Variants in EVL observed in about 807,000 individuals in gnomAD.
The protein encoded by EVL is Enah/Vasp-like, also known as ena/VASP-like protein.
A neutral mutation model predicts 59.6 loss-of-function variants in EVL; 21 were observed. That is an observed-to-expected ratio of 0.35 (90% CI 0.25 to 0.51). The LOEUF (loss-of-function observed/expected upper bound fraction) is 0.51. Among genes scored for constraint, EVL ranks in the 20% least tolerant of loss-of-function variants. The pLI, the probability that EVL is intolerant of heterozygous loss-of-function variation, is 0.97. For synonymous variants in EVL, 198 were observed against 203.5 expected (o/e 0.97, Z 0.23); for missense variants, 462 against 546.6 (o/e 0.85, Z 1.54).
chr14:100,004,973 A>G (rs1006581231), intron 1 of EVL, among the ~76,000 whole-genome samples: 3 of 152,214 alleles, frequency 2.0e-5, no homozygotes, highest in Non-Finnish European at 2.9e-5. Flanking sequence ...AAGTTTGTCT[A>G]CAAGTATTTA....
rs936927284 is a variant in EVL at position 100,130,668 on chromosome 14, T to C, written c.839+984T>C. 6.6e-6 allele frequency among the ~76,000 whole-genome samples: 1 copy of C among 152,178 alleles called. No individual in the cohort carries two copies. Among genetic ancestry groups the C allele is most frequent in the Non-Finnish European group, 1.5e-5 (1 of 68,026 alleles). ...GTGGCTCCATGAGGATGATGCGAGA[T>C]GACAGAGGCCCACAGCTGCAGGCAG... On this transcript the variant is annotated intron_variant, in intron 7 of 13. Transcript: ENST00000392920. The surrounding 1 kb of genome is among the most constrained non-coding windows in gnomAD (Gnocchi z 4.8).
rs116270294 is a variant in EVL at position 99,993,422 on chromosome 14, G to A, written c.5+21365G>A. Among the ~76,000 whole-genome samples, 678 of 152,028 alleles carry A rather than the reference G, an allele frequency of 4.5e-3. 4 individuals are homozygous for A. The highest frequency in any genetic ancestry group is 0.015 in the African/African-American group (639 of 41,472). On this transcript the variant is annotated intron_variant, in intron 1 of 13. Transcript: ENST00000402714. ...GTATTTTGTTAAGGACTCCTTCATC[G>A]GTATTCATCAGATATTGGTTTGTAG... is the stretch of plus-strand genomic sequence containing the variant.
chr14:100,022,128 A>G (rs933093124), intron 1 of EVL, among the ~76,000 whole-genome samples: 4 of 152,118 alleles, frequency 2.6e-5, no homozygotes, highest in Non-Finnish European at 4.4e-5. Flanking sequence ...GAATTACAGC[A>G]GTTCTTCCTA....
At chr14:100,016,587 A>T (rs1264733126) in intron 1 of EVL, among the ~76,000 whole-genome samples, 2 of 152,248 alleles carry the variant, frequency 1.3e-5, no homozygotes, top group African/African-American at 4.8e-5. Context: ...TAAAACAAAC[A>T]AACAAACAAA....
At chr14:100,083,860 G>A (rs2062371194) in intron 1 of EVL, among the ~76,000 whole-genome samples, 1 of 152,124 alleles carries the variant, frequency 6.6e-6, no homozygotes, top group African/African-American at 2.4e-5. Context: ...TATGTCATAT[G>A]CTCTAGAGTC....
At chr14:99,998,450 G>T (rs777195890) in intron 1 of EVL, among the ~76,000 whole-genome samples, 3 of 152,230 alleles carry the variant, frequency 2.0e-5, no homozygotes, top group Non-Finnish European at 4.4e-5. Flanking sequence ...CAGAATAGAG[G>T]AGTATTTATT....
Position 99,972,125 on chromosome 14 carries a change from C to A in EVL, c.5+68C>A, listed in dbSNP as rs1388593514. 5 of 305,172 alleles carry A rather than the reference C, an allele frequency of 1.6e-5. No individual in the cohort carries two copies. Among genetic ancestry groups the A allele is most frequent in the Non-Finnish European group, 3.0e-5 (5 of 165,986 alleles). The allele number at this position is 305,172 out of a possible 1,614,324, so 18.9% of individuals were successfully genotyped here. A position where few individuals can be genotyped will look rare whatever the true frequency, so the allele number is the denominator to read the frequency against. On this transcript the variant is annotated intron_variant, in intron 1 of 13. Coordinates refer to the EVL transcript ENST00000402714. The surrounding 1 kb of genome is among the most constrained non-coding windows in gnomAD (Gnocchi z 4.4). Reference sequence around the variant, plus strand: ...CGTCGGAGGGGCTGGGCTGGGGGCCCGCGGTGCCCCCGAGGGCGGGAGGGG... The same window carrying A: ...CGTCGGAGGGGCTGGGCTGGGGGCCAGCGGTGCCCCCGAGGGCGGGAGGGG...
rs200423727 is a variant in EVL, at chr14:100,137,664, C to T, written c.1031+20C>T. On this transcript the variant is annotated intron_variant, in intron 10 of 13. Coordinates refer to ENST00000392920, the MANE Select transcript of EVL (RefSeq NM_016337.3). ...GTCCAGGTGAGCTGCCCCAGGAAGG[C>T]CTGAGCAGCGAGGCTGGTGGGGCAG... The T allele has an allele frequency of 3.3e-4, 528 of 1,614,174 alleles. 5 individuals are homozygous for T. In the East Asian group the frequency reaches 0.011, roughly 33 times the overall value.
In EVL at chr14:100,097,615, T is replaced by C; in HGVS notation, c.315T>C (p.Asn105=). ...AAGAAGAGGCAACCACGTTCTCCAA[T>C]GCAATGCTGTTTGCCCTGAACATCA... The part of the protein sequence containing the change: ...ASKEEATTFS[N]AMLFALNIMN... Residue 105 remains asparagine, a synonymous_variant, in exon 3 of 14, where the codon AAT becomes AAC. Transcript: ENST00000392920. 1.2e-6 allele frequency: 2 copies of C among 1,614,070 alleles called. No homozygotes were observed. Among genetic ancestry groups the C allele is most frequent in the Non-Finnish European group, 8.5e-7 (1 of 1,179,978 alleles).
At chr14:100,032,037 CTG>C in intron 1 of EVL, among the ~76,000 whole-genome samples, 1 of 152,348 alleles carries the variant, frequency 6.6e-6, no homozygotes, top group Non-Finnish European at 1.5e-5. Flanking sequence ...GATCAGACAA[CTG>C]TGTATCAAGT....
intron 11 of EVL, 71 bp from the exon 12 acceptor site, chr14:100,141,109 G>A: frequency 1.3e-6 from 2 of 1,507,630 alleles, no homozygotes; most frequent in Non-Finnish European, 9.1e-7. Context: ...GCCTGAGCGG[G>A]GCCTCTGCAC....
upstream of EVL, chr14:99,971,427 C>G (rs1485083769): frequency 6.6e-6 from 1 of 151,854 alleles, no homozygotes; most frequent in Non-Finnish European, 1.5e-5. Flanking sequence ...GCCTCAAGCT[C>G]AGCGCTCCCG....
chr14:100,118,123 C>G (rs1158020187), intron 3 of EVL, among the ~76,000 whole-genome samples: 1 of 152,212 alleles, frequency 6.6e-6, no homozygotes, highest in Non-Finnish European at 1.5e-5. Context: ...GTCATGGATC[C>G]TGGTGAACTC....
intron 13 of EVL, among the ~76,000 whole-genome samples, chr14:100,143,392 C>T (rs771616054): frequency 6.6e-6 from 1 of 152,170 alleles, no homozygotes; most frequent in Non-Finnish European, 1.5e-5. Flanking sequence ...GCTCCTCACA[C>T]CAGAGTTCTG....
At chr14:100,110,850 T>G (rs1355682225) in intron 3 of EVL, among the ~76,000 whole-genome samples, 1 of 152,218 alleles carries the variant, frequency 6.6e-6, no homozygotes, top group Non-Finnish European at 1.5e-5. Flanking sequence ...GGAGTTTTAG[T>G]CTTCTGTAGA....
intron 1 of EVL, among the ~76,000 whole-genome samples, chr14:100,053,410 T>A (rs2061677520): frequency 6.6e-6 from 1 of 151,650 alleles, no homozygotes. Context: ...TTATACGTAT[T>A]TTTCTTTATC....
In EVL at chr14:100,109,886, G is replaced by A; in HGVS notation, c.358+12228G>A. 1 of 377,972 alleles carries A rather than the reference G, an allele frequency of 2.6e-6. No individual in the cohort carries two copies. The highest frequency in any genetic ancestry group is 5.4e-6 in the Non-Finnish European group (1 of 185,206). The allele number at this position is 377,972 out of a possible 1,614,324, so 23.4% of individuals were successfully genotyped here. A position where few individuals can be genotyped will look rare whatever the true frequency, so the allele number is the denominator to read the frequency against. On this transcript the variant is annotated intron_variant, in intron 3 of 13. Coordinates refer to ENST00000392920, the MANE Select transcript of EVL (RefSeq NM_016337.3). The surrounding 1 kb of genome is among the most constrained non-coding windows in gnomAD (Gnocchi z 4.3). ...GAACTCGGATCTGGTTCCAGTACCA[G>A]CTGTGCCAGGAGTGTGCCCTTGGGC...
At chr14:99,979,391 T>A (rs532964012) in intron 1 of EVL, among the ~76,000 whole-genome samples, 25 of 152,260 alleles carry the variant, frequency 1.6e-4, no homozygotes, top group African/African-American at 5.8e-4. Context: ...GTTAAAAAAA[T>A]TTTAGGTCAT....
At chr14:100,135,843 A>G (rs1023724302) in intron 8 of EVL, 62 bp from the exon 9 acceptor site, 50 of 1,484,164 alleles carry the variant, frequency 3.4e-5, no homozygotes, top group African/African-American at 8.3e-5. Flanking sequence ...GAAGTGTCCA[A>G]TGATGTCCTG....
Sources: gnomAD v4.1 joint callset for allele counts (sites outside exome capture counted in the v4.1 genomes callset) on GRCh38, gnomAD v4.1.1 for gene constraint, Gnocchi (gnomAD v3.1) non-coding constraint, MANE v1.5 for transcripts, NCBI Gene and HGNC (gene_info 2026-07-23, HGNC 2026-07-21) for gene names.